Variants in NGLY1 observed in about 807,000 individuals in gnomAD.
The protein encoded by NGLY1 is peptide-N(4)-(N-acetyl-beta-glucosaminyl)asparagine amidase.
A neutral mutation model predicts 84.6 loss-of-function variants in NGLY1; 68 were observed. The ratio of observed to expected loss-of-function variants is 0.80; its 90% CI spans 0.66 to 0.98. The LOEUF is 0.98. Among genes scored for constraint, NGLY1 ranks in the 50% least tolerant of loss-of-function variants. The pLI, the probability that NGLY1 is intolerant of heterozygous loss-of-function variation, is 0.00. For synonymous variants in NGLY1, 280 were observed against 275.2 expected, an observed-to-expected ratio of 1.02 and a Z score of -0.17; for missense variants, 779 against 770.2, an observed-to-expected ratio of 1.01 and a Z score of -0.14.
rs796375203 is a variant in NGLY1 at position 25,780,784 on chromosome 3, A to AT, written c.132-2097dup. ...TACAGGTGAGCCACCACGCCTGGCT[A>AT]TTTTTTTTTTTTATTAAGAGATGGG... On this transcript the variant is annotated intron_variant, in intron 1 of 11. Transcript: ENST00000280700. 5.1e-3 allele frequency among the ~76,000 whole-genome samples: 734 copies of AT among 144,374 alleles called. 8 individuals carry two copies. The highest frequency in any genetic ancestry group is 0.027 in the East Asian group (131 of 4,942). 94.7% of individuals were successfully genotyped at this position (144,374 alleles called of 152,430 possible).
In NGLY1 at chr3:25,732,374, C is replaced by A; in HGVS notation, c.1370G>T (p.Gly457Val). Reference sequence around the variant, plus strand: ...CCAAGCCACTGACCCAGATATTCTTCCCCCAAGTTCTCCAGGTTTAGGGGT... The same window carrying A: ...CCAAGCCACTGACCCAGATATTCTTACCCCAAGTTCTCCAGGTTTAGGGGT... ...PKTPKPGELG[G>V]RISGSVAWRV... Residue 457 changes from glycine to valine, a missense_variant, in exon 9 of 12, where the codon GGA becomes GTA. By Grantham distance (109) the Gly-to-Val change is moderately radical. Transcript: ENST00000280700. 1.2e-6 allele frequency: 2 copies of A among 1,613,784 alleles called. No individual in the cohort carries two copies.
At position 25,764,116 on chromosome 3, in the gene NGLY1, G is replaced by A; in HGVS notation, c.442C>T (p.His148Tyr). The change falls in exon 3 of 12, where the codon CAC (histidine) becomes TAC (tyrosine). Residue 148 changes from histidine to tyrosine, a missense_variant. Physicochemically the swap from His to Tyr is moderately conservative, Grantham distance 83. Coordinates refer to ENST00000280700, the MANE Select transcript of NGLY1 (RefSeq NM_018297.4). ...PSSNPSGLNQ[H>Y]TRNRQGQSSD... ...GACTGCCCTTGACGGTTCCTTGTGTGCTGGTTTAACCCACTGGGATTTGAA... is the reference window on the plus strand; with the variant it reads ...GACTGCCCTTGACGGTTCCTTGTGTACTGGTTTAACCCACTGGGATTTGAA... The A allele has an allele frequency of 1.2e-6, 2 of 1,614,186 alleles. No individual in the cohort carries two copies. Among genetic ancestry groups the A allele is most frequent in the Non-Finnish European group, 1.7e-6 (2 of 1,180,030 alleles).
rs969322962 is a variant in NGLY1 at position 25,750,994 on chromosome 3, G to A, written c.658+104C>T. ...AGAATCCACATATAAGTGGACCCATGCAGTTCAAACCCATGTTCTTCAAGG... is the reference window on the plus strand; with the variant it reads ...AGAATCCACATATAAGTGGACCCATACAGTTCAAACCCATGTTCTTCAAGG... On this transcript the variant is annotated intron_variant, in intron 4 of 11. Coordinates refer to ENST00000280700, the MANE Select transcript of NGLY1 (RefSeq NM_018297.4). 1.2e-5 allele frequency: 13 copies of A among 1,109,844 alleles called. No homozygotes were observed. The Admixed American group carries it at 2.4e-4, about 20-fold the overall frequency. The allele number at this position is 1,109,844 out of a possible 1,614,324, so 68.7% of individuals were successfully genotyped here. A position where few individuals can be genotyped will look rare whatever the true frequency, so the allele number is the denominator to read the frequency against.
In NGLY1 at chr3:25,751,202, TAGACCAGCAC is replaced by T; in HGVS notation, c.544_553del (p.Val182MetfsTer19). The T allele has an allele frequency of 6.2e-7, 1 of 1,613,544 alleles. No homozygotes were observed. The highest frequency in any genetic ancestry group is 8.5e-7 in the Non-Finnish European group (1 of 1,179,802). On this transcript the variant is annotated frameshift_variant, in exon 4 of 12. Coordinates refer to ENST00000280700, the MANE Select transcript of NGLY1 (RefSeq NM_018297.4). LOFTEE classifies it high-confidence loss of function. Reference sequence around the variant, plus strand: ...TTTCTCCTGAAGAGCAGGATTTTCATAGACCAGCACATGCTGAATGTTGGACTGAAGAACT... The same window carrying T: ...TTTCTCCTGAAGAGCAGGATTTTCATATGCTGAATGTTGGACTGAAGAACT...
At chr3:25,749,469 C>T in intron 4 of NGLY1, 1 of 1,363,852 alleles carries the variant, frequency 7.3e-7, no homozygotes, top group African/African-American at 1.4e-5. Context: ...GAGGTGGCAG[C>T]CATCTCCTCT....
intron 2 of NGLY1, among the ~76,000 whole-genome samples, chr3:25,774,844 C>T (rs899682313): frequency 1.3e-5 from 2 of 152,144 alleles, no homozygotes; most frequent in Admixed American, 6.5e-5. Context: ...CAGGAAAATT[C>T]GTGTTCAGCT....
At chr3:25,736,969 A>G (rs1705856501) in intron 6 of NGLY1, 1 of 173,262 alleles carries the variant, frequency 5.8e-6, no homozygotes, top group Non-Finnish European at 1.2e-5. Context: ...TGTTTCCAGC[A>G]TAAAGACAAA....
intron 3 of NGLY1, among the ~76,000 whole-genome samples, chr3:25,763,760 A>T (rs1372137965): frequency 6.6e-6 from 1 of 152,254 alleles, no homozygotes; most frequent in Non-Finnish European, 1.5e-5. Context: ...AAATTAATGC[A>T]TTCTTAATTA....
rs1161454769 is a variant in NGLY1 at position 25,734,752 on chromosome 3, A to C, written c.1150-770T>G. On this transcript the variant is annotated intron_variant, in intron 7 of 11. Coordinates refer to ENST00000280700, the MANE Select transcript of NGLY1 (RefSeq NM_018297.4). ...TAAAATAAAACGTAAAAGCCTATAAAATAAACGGAAGAGAATACGTCACTT... is the reference window on the plus strand; with the variant it reads ...TAAAATAAAACGTAAAAGCCTATAACATAAACGGAAGAGAATACGTCACTT... 5.6e-6 allele frequency: 5 copies of C among 898,224 alleles called. No individual in the cohort carries two copies. The African/African-American group carries it at 8.9e-5, about 16-fold the overall frequency. 55.6% of individuals were successfully genotyped at this position (898,224 alleles called of 1,614,324 possible).
chr3:25,736,212 T>C (rs1705812290), intron 6 of NGLY1, 63 bp from the exon 7 acceptor site: 1 of 1,583,322 alleles, frequency 6.3e-7, no homozygotes, highest in Non-Finnish European at 8.6e-7. Flanking sequence ...TGACTTTCAA[T>C]AACTATACAC....
chr3:25,750,718 T>G (rs1319424354), intron 4 of NGLY1, among the ~76,000 whole-genome samples: 3 of 152,204 alleles, frequency 2.0e-5, no homozygotes, highest in African/African-American at 7.2e-5. Flanking sequence ...ATACTATTAT[T>G]GTACTTCTTA....
At chr3:25,746,813 A>C (rs1706458655) in intron 4 of NGLY1, among the ~76,000 whole-genome samples, 1 of 152,174 alleles carries the variant, frequency 6.6e-6, no homozygotes, top group African/African-American at 2.4e-5. Flanking sequence ...AAGTTTATTC[A>C]TTTAGCAACA....
intron 4 of NGLY1, 38 bp downstream of exon 4, chr3:25,751,059 AT>A (rs754146679): frequency 1.3e-6 from 2 of 1,578,762 alleles, no homozygotes; most frequent in Non-Finnish European, 1.7e-6. Context: ...TTTAGCAATG[AT>A]TTACATTTAG....
chr3:25,742,297 G>C (rs1014042549), intron 4 of NGLY1, among the ~76,000 whole-genome samples: 1 of 152,132 alleles, frequency 6.6e-6, no homozygotes, highest in Non-Finnish European at 1.5e-5. Flanking sequence ...TTAGAACAGA[G>C]AAAATGGAAA....
Position 25,726,558 on chromosome 3 carries a change from G to A in NGLY1, c.1611+2575C>T, listed in dbSNP as rs1705274525. On this transcript the variant is annotated intron_variant, in intron 10 of 11. Coordinates refer to ENST00000280700, the MANE Select transcript of NGLY1 (RefSeq NM_018297.4). The stretch of plus-strand genomic sequence containing the variant: ...TTAATCAAAAAAGAGAAGTATAGGA[G>A]GTTCTGTGAAGAAGGGAGAAGGGAC... Among the ~76,000 whole-genome samples, 4 of 152,140 alleles carry A rather than the reference G, an allele frequency of 2.6e-5. No homozygotes were observed. In the South Asian group the frequency reaches 8.3e-4, roughly 32 times the overall value.
Position 25,751,147 on chromosome 3 carries a change from T to C in NGLY1, c.609A>G (p.Leu203=), listed in dbSNP as rs146227168. Residue 203 remains leucine (L), a synonymous_variant, in exon 4 of 12, where the codon CTA becomes CTG. Transcript: ENST00000280700. ...KALACIPVQE[L]KRKSQEKLSR... is the part of the protein sequence containing the mutation. ...ATAACTTTTCTTGTGATTTCCTTTT[T>C]AGTTCTTGGACCGGAATACAAGCCA... 1.4e-5 allele frequency: 23 copies of C among 1,613,712 alleles called. No homozygotes were observed. The African/African-American group carries it at 2.7e-4, about 19-fold the overall frequency.
chr3:25,765,901 T>G (rs1271996345), intron 2 of NGLY1, among the ~76,000 whole-genome samples: 1 of 151,888 alleles, frequency 6.6e-6, no homozygotes, highest in Non-Finnish European at 1.5e-5. Flanking sequence ...CTGGATGATT[T>G]TTATTTTTTG....
chr3:25,784,137 C>T (rs913641517), upstream of NGLY1: 9 of 152,204 alleles, frequency 5.9e-5, no homozygotes, highest in Non-Finnish European at 1.2e-4. Flanking sequence ...AAAAACAAAA[C>T]CATGGCTATA....
chr3:25,775,347 TGCA>T (rs1247659293), intron 2 of NGLY1, among the ~76,000 whole-genome samples: 1 of 152,222 alleles, frequency 6.6e-6, no homozygotes, highest in Non-Finnish European at 1.5e-5. Flanking sequence ...CTATGTTTAC[TGCA>T]GCACTATTCA....
Sources: gnomAD v4.1 joint callset for allele counts (sites outside exome capture counted in the v4.1 genomes callset) on GRCh38, gnomAD v4.1.1 for gene constraint, MANE v1.5 for transcripts, NCBI Gene and HGNC (gene_info 2026-07-23, HGNC 2026-07-21) for gene names.